The following ATP7B variants were observed in gnomAD, a reference collection of about 807,000 sequenced individuals.
ATP7B encodes the protein copper-transporting ATPase 2.
In ATP7B, 113 loss-of-function variants were observed where a neutral mutation model predicts 118.9. The observed-to-expected ratio is 0.95, with a 90% CI of 0.82 to 1.11. The LOEUF is 1.11. ATP7B is among the 50% of genes most tolerant of loss of function. The pLI is 0.00. For synonymous variants in ATP7B, 777 were observed against 727.4 expected, an observed-to-expected ratio of 1.07 and a Z score of -1.10; for missense variants, 1,867 against 1,871.4, an observed-to-expected ratio of 1.00 and a Z score of 0.04.
At position 51,995,201 on chromosome 13, in the gene ATP7B, G is replaced by A. The variant is rs758738783; in HGVS notation, c.51+16086C>T. The A allele has an allele frequency of 1.7e-5, 13 of 764,778 alleles. No homozygotes were observed. The Admixed American group carries it at 1.9e-4, about 11-fold the overall frequency. The allele number at this position is 764,778 out of a possible 1,614,324, so 47.4% of individuals were successfully genotyped here. A position where few individuals can be genotyped will look rare whatever the true frequency, so the allele number is the denominator to read the frequency against. The stretch of plus-strand genomic sequence containing the variant: ...GGTGCTACATTCACACTCTCATTCC[G>A]CTCCCCAGACCTCTCCCCAATATCC... On this transcript the variant is annotated intron_variant, in intron 1 of 20. Coordinates refer to ENST00000242839, the MANE Select transcript of ATP7B (RefSeq NM_000053.4).
chr13:51,937,844 G>A (rs1957065122), intron 17 of ATP7B, among the ~76,000 whole-genome samples, 165 bp from the exon 18 acceptor site: 1 of 152,152 alleles, frequency 6.6e-6, no homozygotes, highest in African/African-American at 2.4e-5. Context: ...TTTATCCCTG[G>A]CTCCTGCCCC....
chr13:51,954,617 T>C (rs1016594216), intron 9 of ATP7B, among the ~76,000 whole-genome samples: 1 of 151,888 alleles, frequency 6.6e-6, no homozygotes, highest in Non-Finnish European at 1.5e-5. Flanking sequence ...ACTGCAGATG[T>C]GTGAATGAGG....
chr13:51,934,483 A>C lies in ATP7B; in HGVS notation c.*273T>G, dbSNP rs1956843716. Reference sequence around the variant, plus strand: ...CTGTGAGGAGGGTGACTCGCCTCTCACCTTCTACAGTCCAGCCAAGGACTA... The same window carrying C: ...CTGTGAGGAGGGTGACTCGCCTCTCCCCTTCTACAGTCCAGCCAAGGACTA... On this transcript the variant is annotated 3_prime_UTR_variant, in exon 21 of 21. Coordinates refer to ENST00000242839, the MANE Select transcript of ATP7B (RefSeq NM_000053.4). 1.9e-6 allele frequency: 1 copy of C among 524,786 alleles called. No homozygotes were observed. Among genetic ancestry groups the C allele is most frequent in the African/African-American group, 1.9e-5 (1 of 52,276 alleles). 32.5% of individuals were successfully genotyped at this position (524,786 alleles called of 1,614,324 possible).
rs886041336 is a variant in ATP7B, at chr13:51,934,958, TG to T, written c.4195del (p.Gln1399ArgfsTer6). The T allele has an allele frequency of 1.2e-6, 2 of 1,614,072 alleles. No individual in the cohort carries two copies. Among genetic ancestry groups the T allele is most frequent in the Middle Eastern group, 3.3e-4 (2 of 6,008 alleles). ...HGHMKPLTAS[Q>X]VSVHIGMDDR... is the part of the protein sequence containing the mutation. ...ATCCATGCCTATGTGCACACTGACCTGGGATGCCGTCAGGGGCTTCATGTGG... is the reference window on the plus strand; with the variant it reads ...ATCCATGCCTATGTGCACACTGACCTGGATGCCGTCAGGGGCTTCATGTGG... On this transcript the variant is annotated frameshift_variant, in exon 21 of 21. Transcript: ENST00000242839. LOFTEE classifies it high-confidence loss of function.
In ATP7B at chr13:51,958,373, C is replaced by T. The variant is rs28942075; in HGVS notation, c.2293G>A (p.Asp765Asn). 8.7e-6 allele frequency: 14 copies of T among 1,614,042 alleles called. No homozygotes were observed. Among genetic ancestry groups the T allele is most frequent in the Middle Eastern group, 1.6e-4 (1 of 6,084 alleles). ...KAERSPVTFFDTPPMLFVFIA... is the reference protein window; with the variant it reads ...KAERSPVTFFNTPPMLFVFIA... ...AACACAAAGAGCATGGGGGGCGTGT[C>T]GAAGAATGTCACAGGGCTCCTCTCC... Residue 765 changes from aspartate (D) to asparagine (N), a missense_variant, in exon 8 of 21, where the codon GAC (aspartate) becomes AAC (asparagine). By Grantham distance (23) the Asp-to-Asn change is conservative (BLOSUM62 1). Coordinates refer to ENST00000242839, the MANE Select transcript of ATP7B (RefSeq NM_000053.4).
At chr13:51,966,639 T>C (rs954977764) in intron 4 of ATP7B, 1 of 914,860 alleles carries the variant, frequency 1.1e-6, no homozygotes, top group South Asian at 1.5e-5. Context: ...ACAATGCAAC[T>C]ATTGATACAG....
intron 1 of ATP7B, among the ~76,000 whole-genome samples, chr13:51,981,699 A>G (rs569611690): frequency 6.6e-6 from 1 of 152,312 alleles, no homozygotes; most frequent in East Asian, 1.9e-4. Flanking sequence ...ATTAACCTCT[A>G]TGAACATTAA....
intron 1 of ATP7B, among the ~76,000 whole-genome samples, chr13:51,992,483 G>A (rs1952963479): frequency 1.3e-5 from 2 of 152,154 alleles, no homozygotes; most frequent in Admixed American, 1.3e-4. Context: ...CAAGAGTAAG[G>A]TTCCTACCAT....
At chr13:51,938,153 C>A (rs1369965237) in intron 17 of ATP7B, among the ~76,000 whole-genome samples, 2 of 152,164 alleles carry the variant, frequency 1.3e-5, no homozygotes, top group East Asian at 3.8e-4. Context: ...TTCAGCTCCC[C>A]GCGGCATCTC....
chr13:51,938,211 GCT>G (rs1330962993), intron 17 of ATP7B, among the ~76,000 whole-genome samples: 1 of 152,198 alleles, frequency 6.6e-6, no homozygotes, highest in African/African-American at 2.4e-5. Context: ...CCTGCTGCCT[GCT>G]CTGTCCTGGG....
chr13:51,974,395 A>G lies in ATP7B; in HGVS notation c.825T>C (p.Ile275=). 6.2e-7 allele frequency: 1 copy of G among 1,613,946 alleles called. No individual in the cohort carries two copies. The highest frequency in any genetic ancestry group is 8.5e-7 in the Non-Finnish European group (1 of 1,180,032). ...CTAGGAGCTGGCCAATATTTTCTTCAATATTCAAGACGCAAGACTTACAAT... is the reference window on the plus strand; with the variant it reads ...CTAGGAGCTGGCCAATATTTTCTTCGATATTCAAGACGCAAGACTTACAAT... ...GMHCKSCVLN[I]EENIGQLLGV... Residue 275 remains isoleucine (I), a synonymous_variant, in exon 2 of 21, where the codon ATT becomes ATC. Coordinates refer to ENST00000242839, the MANE Select transcript of ATP7B (RefSeq NM_000053.4).
intron 1 of ATP7B, among the ~76,000 whole-genome samples, chr13:51,993,330 G>A (rs550441452): frequency 1.3e-5 from 2 of 151,254 alleles, no homozygotes; most frequent in East Asian, 3.9e-4. Context: ...CACTTTGGGA[G>A]GGGGAGGCAG....
chr13:51,966,991 C>T lies in ATP7B; in HGVS notation c.1707+1453G>A, dbSNP rs901704872. The T allele has an allele frequency of 1.9e-6, 3 of 1,613,302 alleles. No individual in the cohort carries two copies. The Admixed American group carries it at 5.0e-5, about 27-fold the overall frequency. On this transcript the variant is annotated intron_variant, in intron 4 of 20. Transcript: ENST00000242839. Reference sequence around the variant, plus strand: ...AACCACAGCTGATGGCAGAAAAACACAGACTGTCTGCAACTTTACAGATGG... The same window carrying T: ...AACCACAGCTGATGGCAGAAAAACATAGACTGTCTGCAACTTTACAGATGG...
Position 51,966,648 on chromosome 13 carries a change from A to G in ATP7B, c.1708-1615T>C, listed in dbSNP as rs1164739111. The G allele has an allele frequency of 3.0e-6, 3 of 990,522 alleles. No homozygotes were observed. The African/African-American group carries it at 4.8e-5, about 16-fold the overall frequency. The allele number at this position is 990,522 out of a possible 1,614,324, so 61.4% of individuals were successfully genotyped here. A position where few individuals can be genotyped will look rare whatever the true frequency, so the allele number is the denominator to read the frequency against. On this transcript the variant is annotated intron_variant, in intron 4 of 20. Transcript: ENST00000242839. ...GTGATGACAATGCAACTATTGATAC[A>G]GCATGGTTTTTTTAAAAAAAGAACA...
At chr13:51,990,625 A>G (rs555858186) in intron 1 of ATP7B, among the ~76,000 whole-genome samples, 1 of 152,394 alleles carries the variant, frequency 6.6e-6, no homozygotes, top group South Asian at 2.1e-4. Flanking sequence ...AATCCACTTC[A>G]AATGGTCTCT....
rs116276104 is a variant in ATP7B at position 51,954,896 on chromosome 13, G to A, written c.2447+2620C>T. ...TGGGAGAGTGAGACGTCCCAGTGAC[G>A]GTGTGTAACACACAAAGACAGAGGC... On this transcript the variant is annotated intron_variant, in intron 9 of 20. Transcript: ENST00000242839. Among the ~76,000 whole-genome samples the A allele has an allele frequency of 5.7e-3, 864 of 152,242 alleles. 12 individuals are homozygous for A. Among genetic ancestry groups the A allele is most frequent in the African/African-American group, 0.019 (802 of 41,536 alleles).
Position 52,006,280 on chromosome 13 carries a change from T to C in ATP7B, c.51+5007A>G, listed in dbSNP as rs1434577313. 5.3e-5 allele frequency among the ~76,000 whole-genome samples: 8 copies of C among 152,310 alleles called. No homozygotes were observed. In the South Asian group the frequency reaches 1.4e-3, roughly 28 times the overall value. Reference sequence around the variant, plus strand: ...GAGCAGTGTTCATGTTACTGGGCCATCTCCATCCCTCCCATTGAGAAGAAA... The same window carrying C: ...GAGCAGTGTTCATGTTACTGGGCCACCTCCATCCCTCCCATTGAGAAGAAA... On this transcript the variant is annotated intron_variant, in intron 1 of 20. Transcript: ENST00000242839.
chr13:51,951,264 G>A (rs750473842), intron 9 of ATP7B, among the ~76,000 whole-genome samples: 118 of 152,120 alleles, frequency 7.8e-4, no homozygotes, highest in Non-Finnish European at 1.1e-3. Context: ...GTAAAGAAAG[G>A]AATCAAAGAT....
chr13:51,943,969 C>T (rs971697668), intron 14 of ATP7B, 140 bp downstream of exon 14: 10 of 1,053,758 alleles, frequency 9.5e-6, no homozygotes, highest in African/African-American at 4.7e-5. Flanking sequence ...CCTATATCTC[C>T]GCCTGCTGCA....
Sources: allele counts gnomAD v4.1 joint callset (sites outside exome capture counted in the v4.1 genomes callset), GRCh38; gene constraint gnomAD v4.1.1; transcripts MANE v1.5; gene names NCBI Gene and HGNC (gene_info 2026-07-23, HGNC 2026-07-21).